SMAD1: variants seen among roughly 807,000 people sequenced by gnomAD.
SMAD1 encodes MAD, mothers against decapentaplegic homolog 1.
Under a neutral mutation model 41.6 loss-of-function variants are expected in SMAD1, and 6 were observed. That is an observed-to-expected ratio of 0.14 (90% confidence interval 0.08 to 0.28). The LOEUF is 0.28. Ranked by LOEUF, SMAD1 falls within the 10% of genes least tolerant of loss-of-function variation. The probability of loss-of-function intolerance (pLI) is 1.00; values close to 1 mark genes in which losing one functional copy is unlikely to be tolerated. For synonymous variants in SMAD1, 206 were observed against 203.2 expected, an observed-to-expected ratio of 1.01 and a Z score of -0.12; for missense variants, 379 against 582.6, an observed-to-expected ratio of 0.65 and a Z score of 3.60.
Position 145,546,909 on chromosome 4 carries a change from C to T in SMAD1, c.982C>T (p.Arg328Trp). 1.2e-6 allele frequency: 2 copies of T among 1,613,698 alleles called. No individual in the cohort carries two copies. The highest frequency in any genetic ancestry group is 1.7e-6 in the Non-Finnish European group (2 of 1,179,670). Residue 328 changes from arginine to tryptophan, a missense_variant, in exon 5 of 7, where the codon CGG becomes TGG. By Grantham distance (101) the Arg-to-Trp change is moderately radical. Around this residue, in one of 3 missense-constraint regions of SMAD1, gnomAD observed 107 missense variants for 218.3 expected, o/e 0.49. Coordinates refer to ENST00000302085, the MANE Select transcript of SMAD1 (RefSeq NM_005900.3). Reference sequence around the variant, plus strand: ...GAATTCCACTATTGAAAACACCAGGCGGCATATTGGAAAAGGTGAGTTTTT... The same window carrying T: ...GAATTCCACTATTGAAAACACCAGGTGGCATATTGGAAAAGGTGAGTTTTT... Reference protein sequence around the residue: ...NRNSTIENTRRHIGKGVHLYY... With the variant: ...NRNSTIENTRWHIGKGVHLYY...
intron 1 of SMAD1, among the ~76,000 whole-genome samples, chr4:145,494,225 G>T (rs1315480137): frequency 6.6e-6 from 1 of 152,210 alleles, no homozygotes; most frequent in East Asian, 1.9e-4. Flanking sequence ...CTCCCAAAGT[G>T]CTGGGATTAC....
At chr4:145,487,090 T>C (rs548100821) in intron 1 of SMAD1, among the ~76,000 whole-genome samples, 1 of 152,306 alleles carries the variant, frequency 6.6e-6, no homozygotes, top group Admixed American at 6.5e-5. Flanking sequence ...TTGATTCTTT[T>C]TCATTCTGGA....
At chr4:145,547,031 G>A (rs1053586856) in intron 5 of SMAD1, 107 bp downstream of exon 5, 3 of 875,158 alleles carry the variant, frequency 3.4e-6, no homozygotes, top group Non-Finnish European at 5.6e-6. Context: ...CAAAGACCAG[G>A]TAATGTTCAC....
At chr4:145,500,711 G>T (rs1241393514) in intron 1 of SMAD1, among the ~76,000 whole-genome samples, 1 of 152,038 alleles carries the variant, frequency 6.6e-6, no homozygotes, top group Non-Finnish European at 1.5e-5. Flanking sequence ...AACTGTAGTG[G>T]TTACTAGTTT....
chr4:145,526,813 A>G (rs1020209337), intron 2 of SMAD1, among the ~76,000 whole-genome samples: 5 of 152,142 alleles, frequency 3.3e-5, no homozygotes, highest in Admixed American at 6.6e-5. Context: ...TTAAAATATG[A>G]TGGGAAGAAT....
chr4:145,551,534 A>G (rs1732557372), intron 5 of SMAD1, among the ~76,000 whole-genome samples: 2 of 152,208 alleles, frequency 1.3e-5, no homozygotes, highest in Non-Finnish European at 2.9e-5. Context: ...AGGGAAGCAA[A>G]TAAGAAAGTA....
intron 1 of SMAD1, among the ~76,000 whole-genome samples, chr4:145,486,090 TA>T (rs1342842027): frequency 6.6e-6 from 1 of 152,238 alleles, no homozygotes; most frequent in Non-Finnish European, 1.5e-5. Flanking sequence ...ACTATGCCAG[TA>T]TAGACATGAC....
chr4:145,520,849 TAAAAC>T (rs1019437666), intron 2 of SMAD1, among the ~76,000 whole-genome samples: 1 of 152,284 alleles, frequency 6.6e-6, no homozygotes, highest in African/African-American at 2.4e-5. Flanking sequence ...TTCTTATAAA[TAAAAC>T]AGTGTAAAAA....
At chr4:145,508,366 C>T (rs1164703063) in intron 1 of SMAD1, among the ~76,000 whole-genome samples, 4 of 152,074 alleles carry the variant, frequency 2.6e-5, no homozygotes, top group Admixed American at 2.6e-4. Flanking sequence ...AAAATGGGTT[C>T]AGATCCAGGT....
intron 2 of SMAD1, among the ~76,000 whole-genome samples, chr4:145,521,582 G>A (rs1427820190): frequency 6.6e-6 from 1 of 152,124 alleles, no homozygotes; most frequent in African/African-American, 2.4e-5. Context: ...TGTGTAATTC[G>A]TGTCTTGGTA....
intron 1 of SMAD1, among the ~76,000 whole-genome samples, chr4:145,504,709 T>C (rs1214297908): frequency 1.3e-5 from 2 of 152,224 alleles, no homozygotes; most frequent in Non-Finnish European, 2.9e-5. Context: ...GTAATAGTTA[T>C]TTCAGCTTTA....
intron 2 of SMAD1, among the ~76,000 whole-genome samples, chr4:145,526,737 T>C (rs1731036281): frequency 6.6e-6 from 1 of 152,164 alleles, no homozygotes; most frequent in East Asian, 1.9e-4. Context: ...CCAGTAAATG[T>C]GGAGTTCTTT....
At position 145,518,627 on chromosome 4, in the gene SMAD1, G is replaced by C. The variant is rs1730556368; in HGVS notation, c.400+3614G>C. 1.6e-5 allele frequency among the ~76,000 whole-genome samples: 2 copies of C among 126,570 alleles called. 1 individual carries two copies. The highest frequency in any genetic ancestry group is 1.5e-4 in the Admixed American group (2 of 13,448). The allele number at this position is 126,570 out of a possible 152,430, so 83.0% of individuals were successfully genotyped here. ...AAAAGGGGGTCTGGAATTCTAAGCT[G>C]CACATATACACAGCTCAACACTGAA... On this transcript the variant is annotated intron_variant, in intron 2 of 6. Coordinates refer to ENST00000302085, the MANE Select transcript of SMAD1 (RefSeq NM_005900.3).
intron 3 of SMAD1, among the ~76,000 whole-genome samples, chr4:145,541,778 T>C (rs1391057346): frequency 1.3e-5 from 2 of 152,226 alleles, no homozygotes; most frequent in East Asian, 3.8e-4. Flanking sequence ...TCCAAGGCTC[T>C]GACACATATG....
intron 1 of SMAD1, among the ~76,000 whole-genome samples, chr4:145,498,722 T>C (rs1729239845): frequency 6.6e-6 from 1 of 152,256 alleles, no homozygotes; most frequent in African/African-American, 2.4e-5. Context: ...ATAGATACTT[T>C]TTACCACTTC....
intron 2 of SMAD1, among the ~76,000 whole-genome samples, chr4:145,517,738 T>C (rs534279232): frequency 1.4e-5 from 1 of 72,668 alleles, no homozygotes; most frequent in African/African-American, 3.2e-5. Context: ...TTTATGGCTA[T>C]TACACCTCTG....
intron 1 of SMAD1, among the ~76,000 whole-genome samples, chr4:145,491,812 A>G (rs2037631084): frequency 6.6e-6 from 1 of 152,186 alleles, no homozygotes; most frequent in Non-Finnish European, 1.5e-5. Flanking sequence ...TGAAGACACC[A>G]GTGCTTCCTA....
chr4:145,557,719 G>A, intron 6 of SMAD1, 72 bp from the exon 7 acceptor site: 6 of 1,210,716 alleles, frequency 5.0e-6, no homozygotes, highest in Non-Finnish European at 5.8e-6. Context: ...TTGGTTATGT[G>A]AACTCTTCTT....
Position 145,506,259 on chromosome 4 carries a change from T to C in SMAD1, c.-176-8179T>C, listed in dbSNP as rs144374429. On this transcript the variant is annotated intron_variant, in intron 1 of 6. Transcript: ENST00000302085. ...CTGTACTTTTAGTTCCTTAATTCTT[T>C]TGATCTTTGTGCCATGATTTTTTAC... Among the ~76,000 whole-genome samples the C allele has an allele frequency of 4.6e-3, 703 of 152,360 alleles. 1 individual carries two copies. The highest frequency in any genetic ancestry group is 0.016 in the African/African-American group (674 of 41,582).
Sources: allele counts gnomAD v4.1 joint callset (sites outside exome capture counted in the v4.1 genomes callset), GRCh38; gene constraint gnomAD v4.1.1; regional missense constraint gnomAD v4.1.1; transcripts MANE v1.5; gene names NCBI Gene and HGNC (gene_info 2026-07-23, HGNC 2026-07-21).